The following PRICKLE1 variants were observed in gnomAD, a reference collection of about 807,000 sequenced individuals.
The protein encoded by PRICKLE1 is prickle-like protein 1.
In PRICKLE1, 14 loss-of-function variants were observed where a neutral mutation model predicts 70.2. That is an observed-to-expected ratio of 0.20 (90% CI 0.13 to 0.31). The LOEUF is 0.31. Among genes scored for constraint, PRICKLE1 ranks in the 10% least tolerant of loss-of-function variants. The pLI is 1.00. For synonymous variants in PRICKLE1, 357 were observed against 379.9 expected, an observed-to-expected ratio of 0.94 and a Z score of 0.70; for missense variants, 821 against 1,026.2, an observed-to-expected ratio of 0.80 and a Z score of 2.73.
At chr12:42,477,812 T>C (rs1362422999) in intron 1 of PRICKLE1, among the ~76,000 whole-genome samples, 1 of 152,116 alleles carries the variant, frequency 6.6e-6, no homozygotes, top group East Asian at 1.9e-4. Context: ...ACGGGCAGAA[T>C]CAGGTTTAAA....
intron 1 of PRICKLE1, among the ~76,000 whole-genome samples, chr12:42,527,113 CTTTTTTTTTTTCCTCTTTTTTTTT>C (rs1566113818): frequency 1.7e-5 from 2 of 117,358 alleles, no homozygotes; most frequent in African/African-American, 6.1e-5. Flanking sequence ...AGTGTGCTTT[CTTTTTTTTTTTCCTCTTTTTTTTT>C]TTTTTTTTTT....
At position 42,526,872 on chromosome 12, in the gene PRICKLE1, T is replaced by C. The variant is rs540852343; in HGVS notation, c.-48-54308A>G. ...GATGATGATGTCTCTAGCATGGCAA[T>C]AGGATGAAACAAGGGCTTAGATTCA... On this transcript the variant is annotated intron_variant, in intron 1 of 7. Transcript: ENST00000345127. Among the ~76,000 whole-genome samples the C allele has an allele frequency of 1.8e-4, 28 of 151,574 alleles. 1 individual carries two copies. In the East Asian group the frequency reaches 4.5e-3, roughly 24 times the overall value.
intron 1 of PRICKLE1, among the ~76,000 whole-genome samples, chr12:42,503,362 G>A (rs143425755): frequency 4.7e-4 from 72 of 152,296 alleles, no homozygotes; most frequent in East Asian, 1.5e-3. Flanking sequence ...CACCTGGGAT[G>A]AGCATGTCCA....
chr12:42,575,053 T>C (rs1003277321), intron 1 of PRICKLE1, among the ~76,000 whole-genome samples: 2 of 151,918 alleles, frequency 1.3e-5, no homozygotes, highest in African/African-American at 2.4e-5. Context: ...GCTCTTACAG[T>C]ACTAAAGCAA....
chr12:42,560,168 G>A (rs1459863137), intron 1 of PRICKLE1, among the ~76,000 whole-genome samples: 4 of 149,414 alleles, frequency 2.7e-5, no homozygotes, highest in Admixed American at 6.7e-5. Context: ...GCAGAGTCTC[G>A]CTCTGTCGCC....
intron 1 of PRICKLE1, among the ~76,000 whole-genome samples, chr12:42,515,227 T>C (rs1157251037): frequency 1.3e-5 from 2 of 148,178 alleles, no homozygotes; most frequent in African/African-American, 2.5e-5. Flanking sequence ...CACTTGGCTC[T>C]AAGGCATTAT....
intron 1 of PRICKLE1, among the ~76,000 whole-genome samples, chr12:42,532,443 T>C (rs916150075): frequency 6.6e-6 from 1 of 152,182 alleles, no homozygotes; most frequent in African/African-American, 2.4e-5. Context: ...TGACTGACAT[T>C]TGTAACTTTA....
intron 1 of PRICKLE1, among the ~76,000 whole-genome samples, chr12:42,547,738 C>T (rs1940238782): frequency 6.6e-6 from 1 of 152,024 alleles, no homozygotes; most frequent in Admixed American, 6.5e-5. Flanking sequence ...ATGTTATATA[C>T]ATAATAAAGG....
At chr12:42,477,387 CAAA>C (rs1188998822) in intron 1 of PRICKLE1, among the ~76,000 whole-genome samples, 1 of 81,866 alleles carries the variant, frequency 1.2e-5, no homozygotes, top group African/African-American at 5.2e-5. Flanking sequence ...CAAAACAAAA[CAAA>C]ATATATATAT....
intron 1 of PRICKLE1, among the ~76,000 whole-genome samples, chr12:42,505,832 C>G (rs1377040125): frequency 6.6e-6 from 1 of 152,128 alleles, no homozygotes; most frequent in East Asian, 1.9e-4. Flanking sequence ...TACACAGAAG[C>G]CTCAATCATA....
intron 1 of PRICKLE1, among the ~76,000 whole-genome samples, chr12:42,567,162 A>G (rs1940634267): frequency 6.6e-6 from 1 of 152,184 alleles, no homozygotes; most frequent in South Asian, 2.1e-4. Flanking sequence ...CTATTGATGG[A>G]TCAAAGCTCC....
chr12:42,532,688 G>C (rs1024574433), intron 1 of PRICKLE1, among the ~76,000 whole-genome samples: 2 of 152,078 alleles, frequency 1.3e-5, no homozygotes, highest in Non-Finnish European at 2.9e-5. Flanking sequence ...ACGAGGTCAG[G>C]AGATCGAGAC....
chr12:42,571,236 TA>T (rs1376280521), intron 1 of PRICKLE1, among the ~76,000 whole-genome samples: 2 of 152,128 alleles, frequency 1.3e-5, no homozygotes, highest in Non-Finnish European at 2.9e-5. Flanking sequence ...GTGTTAATAT[TA>T]TAAAAGAAAA....
rs144959796 is a variant in PRICKLE1 at position 42,457,743 on chromosome 12, G to GA, written c.*2065dup. Reference sequence around the variant, plus strand: ...AACGTGAAATGTCCACATACAAAGGGAAAAAAGCATGTCACAGCACATATA... The same window carrying GA: ...AACGTGAAATGTCCACATACAAAGGGAAAAAAAGCATGTCACAGCACATATA... On this transcript the variant is annotated 3_prime_UTR_variant, in exon 8 of 8. Coordinates refer to ENST00000345127, the MANE Select transcript of PRICKLE1 (RefSeq NM_153026.3). 2 of 152,134 alleles carry GA rather than the reference G, an allele frequency of 1.3e-5. No individual in the cohort carries two copies. The highest frequency in any genetic ancestry group is 2.9e-5 in the Non-Finnish European group (2 of 68,032). 9.4% of individuals were successfully genotyped at this position (152,134 alleles called of 1,614,324 possible).
chr12:42,463,106 AGG>A (rs1937923298), intron 7 of PRICKLE1, among the ~76,000 whole-genome samples: 2 of 152,148 alleles, frequency 1.3e-5, no homozygotes, highest in Admixed American at 1.3e-4. Flanking sequence ...GGATCACCTG[AGG>A]TCAGGAGTTT....
rs1269016710 is a variant in PRICKLE1 at position 42,544,324 on chromosome 12, A to G, written c.-49+45141T>C. 2.8e-4 allele frequency among the ~76,000 whole-genome samples: 42 copies of G among 152,234 alleles called. 1 individual carries two copies. Among genetic ancestry groups the G allele is most frequent in the Admixed American group, 2.7e-3 (42 of 15,280 alleles). On this transcript the variant is annotated intron_variant, in intron 1 of 7. Transcript: ENST00000345127. The stretch of plus-strand genomic sequence containing the variant: ...TGTAAAGTATAGCTAATTATATAGT[A>G]GATGTAATTTTTTTTGTAGTCTGTC...
chr12:42,551,634 T>A (rs55930021), intron 1 of PRICKLE1, among the ~76,000 whole-genome samples: 7 of 151,518 alleles, frequency 4.6e-5, no homozygotes, highest in African/African-American at 1.7e-4. Context: ...AGGAGGAGAG[T>A]GGAGGAAAGA....
At chr12:42,475,868 C>T (rs74580486) in intron 1 of PRICKLE1, among the ~76,000 whole-genome samples, 12 of 147,300 alleles carry the variant, frequency 8.1e-5, no homozygotes, top group Admixed American at 1.4e-4. Flanking sequence ...TGGGGGGGGG[C>T]GGGGGCAGAC....
intron 1 of PRICKLE1, among the ~76,000 whole-genome samples, chr12:42,521,500 G>A (rs1293646464): frequency 6.6e-6 from 1 of 152,128 alleles, no homozygotes; most frequent in African/African-American, 2.4e-5. Flanking sequence ...AGGAGTTTCA[G>A]ACCAGCCTGG....
Sources: allele counts gnomAD v4.1 joint callset (sites outside exome capture counted in the v4.1 genomes callset), GRCh38; gene constraint gnomAD v4.1.1; transcripts MANE v1.5; gene names NCBI Gene and HGNC (gene_info 2026-07-23, HGNC 2026-07-21).